The following ZC3H12B variants were observed in gnomAD, a reference collection of about 807,000 sequenced individuals.
ZC3H12B encodes zinc finger CCCH-type containing 12B.
In ZC3H12B, 7 loss-of-function variants were observed where a neutral mutation model predicts 43.9. The ratio of observed to expected loss-of-function variants is 0.16; its 90% confidence interval spans 0.09 to 0.30. The LOEUF (loss-of-function observed/expected upper bound fraction) is 0.30. Among genes scored for constraint, ZC3H12B ranks in the 10% least tolerant of loss-of-function variants. ZC3H12B has a pLI of 1.00. For missense variants in ZC3H12B, 475 were observed against 670.2 expected (o/e 0.71, Z 3.22); for synonymous variants, 222 against 241.7 (o/e 0.92, Z 0.76).
At chrX:65,102,184 C>T in the ZC3H12B span, among the ~76,000 whole-genome samples, 21 of 111,674 alleles carry the variant, frequency 1.9e-4, no homozygotes, top group East Asian at 5.6e-4. Context: ...AAATTCAACA[C>T]GCCTTCAAGC....
chrX:65,481,585 G>T (rs1227021044), intron 3 of ZC3H12B, among the ~76,000 whole-genome samples: 1 of 111,382 alleles, frequency 9.0e-6, no homozygotes. Flanking sequence ...TAAACTCATG[G>T]GGGGACAGCC....
At chrX:65,094,306 A>G in the ZC3H12B span, among the ~76,000 whole-genome samples, 6 of 104,862 alleles carry the variant, frequency 5.7e-5, no homozygotes, top group Admixed American at 6.2e-4. Context: ...GCATTTCTTT[A>G]TAGCAATTCG....
chrX:65,383,009 G>A (rs989094132), intron 2 of ZC3H12B, among the ~76,000 whole-genome samples: 4 of 111,016 alleles, frequency 3.6e-5, no homozygotes, highest in Admixed American at 9.5e-5. Context: ...AACCAATATC[G>A]TGAAAATGAC....
chrX:65,234,123 AAACTC>A, the ZC3H12B span, among the ~76,000 whole-genome samples: 6 of 111,665 alleles, frequency 5.4e-5, no homozygotes, highest in South Asian at 3.7e-4. Context: ...AAATACTAGC[AAACTC>A]AACTCAAACC....
At chrX:65,165,748 A>G in the ZC3H12B span, among the ~76,000 whole-genome samples, 2 of 112,427 alleles carry the variant, frequency 1.8e-5, no homozygotes, top group Admixed American at 9.4e-5. Context: ...TAGTGCTGCA[A>G]TAAACATAAA....
intron 3 of ZC3H12B, among the ~76,000 whole-genome samples, chrX:65,403,834 C>T (rs1212809880): frequency 9.0e-6 from 1 of 111,353 alleles, no homozygotes; most frequent in African/African-American, 3.3e-5. Context: ...GGGAGTACAT[C>T]AATCAGAAAG....
the ZC3H12B span, among the ~76,000 whole-genome samples, chrX:65,129,235 A>G: frequency 8.8e-5 from 9 of 102,772 alleles, no homozygotes; most frequent in African/African-American, 1.2e-4. Flanking sequence ...TGGCTCTATT[A>G]TATATGTATG....
chrX:65,169,427 A>G, the ZC3H12B span, among the ~76,000 whole-genome samples: 2 of 111,801 alleles, frequency 1.8e-5, no homozygotes, highest in African/African-American at 6.5e-5. Flanking sequence ...GTTATTTTAC[A>G]TTTGCTGAGG....
At chrX:65,227,231 C>T in the ZC3H12B span, among the ~76,000 whole-genome samples, 1 of 111,470 alleles carries the variant, frequency 9.0e-6, no homozygotes, top group Non-Finnish European at 1.9e-5. Flanking sequence ...AAGAAACTCA[C>T]TCAAAACCGC....
At chrX:65,200,077 G>A in the ZC3H12B span, among the ~76,000 whole-genome samples, 1 of 111,400 alleles carries the variant, frequency 9.0e-6, no homozygotes, top group Admixed American at 9.6e-5. Context: ...CCCACCAATG[G>A]TGTAAAAGCA....
intron 3 of ZC3H12B, among the ~76,000 whole-genome samples, chrX:65,416,719 G>A (rs1306671717): frequency 1.8e-5 from 2 of 108,447 alleles, no homozygotes; most frequent in Non-Finnish European, 3.8e-5. Flanking sequence ...GAACCGGAAG[G>A]CGGAGCTTGC....
chrX:65,129,987 C>T, the ZC3H12B span, among the ~76,000 whole-genome samples: 1 of 110,936 alleles, frequency 9.0e-6, no homozygotes, highest in Non-Finnish European at 1.9e-5. Context: ...GACACAAGGT[C>T]CAAATAAGAG....
chrX:65,121,858 G>T, the ZC3H12B span, among the ~76,000 whole-genome samples: 1 of 111,153 alleles, frequency 9.0e-6, no homozygotes, highest in African/African-American at 3.3e-5. Flanking sequence ...CTTTGTTCTC[G>T]TTGGTTTCGA....
At chrX:65,342,451 A>G in the ZC3H12B span, among the ~76,000 whole-genome samples, 1 of 112,428 alleles carries the variant, frequency 8.9e-6, no homozygotes, top group Admixed American at 9.4e-5. Context: ...TGAAATCATA[A>G]CAACCACTCT....
At chrX:65,267,150 C>A in the ZC3H12B span, among the ~76,000 whole-genome samples, 4 of 109,722 alleles carry the variant, frequency 3.6e-5, no homozygotes, top group Non-Finnish European at 5.7e-5. Context: ...AAGGAGTACC[C>A]CAAAACAGGC....
the ZC3H12B span, among the ~76,000 whole-genome samples, chrX:65,111,561 T>G: frequency 9.1e-6 from 1 of 110,445 alleles, no homozygotes; most frequent in Admixed American, 9.7e-5. Context: ...TTATTATTTT[T>G]TTTTTTACAA....
At position 65,458,601 on chromosome X, in the gene ZC3H12B, G is replaced by A. The variant is rs768460162; in HGVS notation, n.408-30045G>A. On this transcript the variant is annotated intron_variant and non_coding_transcript_variant, in intron 3 of 5. Transcript: ENST00000617377. Reference sequence around the variant, plus strand: ...TGTGGAAACTGAACAACCTGCTCCTGAATGACTACTGGGTACCTAACGAAA... The same window carrying A: ...TGTGGAAACTGAACAACCTGCTCCTAAATGACTACTGGGTACCTAACGAAA... Among the ~76,000 whole-genome samples, 149 of 112,075 alleles carry A rather than the reference G, an allele frequency of 1.3e-3. 1 individual carries two copies. The highest frequency in any genetic ancestry group is 4.8e-3 in the African/African-American group (147 of 30,830).
chrX:65,226,083 C>G, the ZC3H12B span, among the ~76,000 whole-genome samples: 3 of 111,234 alleles, frequency 2.7e-5, no homozygotes, highest in African/African-American at 9.8e-5. Context: ...TCAGATTCAC[C>G]AAAGATGAAA....
At chrX:65,190,357 G>A in the ZC3H12B span, among the ~76,000 whole-genome samples, 1 of 110,769 alleles carries the variant, frequency 9.0e-6, no homozygotes, top group Non-Finnish European at 1.9e-5. Flanking sequence ...AGCTTGATGG[G>A]GATGGCATTG....
Sources: allele counts gnomAD v4.1 joint callset (sites outside exome capture counted in the v4.1 genomes callset), GRCh38; gene constraint gnomAD v4.1.1; transcripts MANE v1.5; gene names NCBI Gene and HGNC (gene_info 2026-07-23, HGNC 2026-07-21).